The following KAT8 variants were observed in gnomAD, a reference collection of about 807,000 sequenced individuals.
The protein encoded by KAT8 is histone acetyltransferase KAT8.
In KAT8, 40 loss-of-function variants were observed where a neutral mutation model predicts 62.9. The observed-to-expected ratio is 0.64, with a 90% CI of 0.49 to 0.83. The LOEUF is 0.83. Ranked by LOEUF, KAT8 falls within the 40% of genes least tolerant of loss-of-function variation. The pLI is 0.00. For synonymous variants in KAT8, 278 were observed against 254.5 expected, an observed-to-expected ratio of 1.09 and a Z score of -0.88; for missense variants, 387 against 614.8, an observed-to-expected ratio of 0.63 and a Z score of 3.92.
intron 3 of KAT8, among the ~76,000 whole-genome samples, chr16:31,124,745 A>AAAAG (rs60051043): frequency 0.37 from 52,753 of 141,604 alleles, 11,101 homozygotes; most frequent in East Asian, 0.88. Flanking sequence ...AAAAAAAAAA[A>AAAAG]AAAAAAGGCT....
rs753609278 is a variant in KAT8 at position 31,120,409 on chromosome 16, A to T, written c.357A>T (p.Val119=). 1.1e-5 allele frequency: 18 copies of T among 1,614,132 alleles called. No individual in the cohort carries two copies. The highest frequency in any genetic ancestry group is 1.5e-5 in the Non-Finnish European group (18 of 1,180,036). ...TGACCAAGACAGTGAAGGATGCTGT[A>T]CAGAAGAACTCAGAGAAGTACCTGA... is the stretch of plus-strand genomic sequence containing the variant. ...LALTKTVKDA[V]QKNSEKYLSE... The change falls in exon 3 of 11, where the codon GTA becomes GTT. Residue 119 remains valine, a synonymous_variant. Transcript: ENST00000219797.
chr16:31,124,731 C>CAA (rs551229166), intron 3 of KAT8, among the ~76,000 whole-genome samples: 752 of 60,914 alleles, frequency 0.012, 9 homozygotes, highest in Middle Eastern at 0.017. Flanking sequence ...GGCTCCATTT[C>CAA]AAAAAAAAAA....
At chr16:31,118,046 G>A (rs1198351324) in intron 1 of KAT8, 154 bp downstream of exon 1, 3 of 593,054 alleles carry the variant, frequency 5.1e-6, no homozygotes, top group Admixed American at 4.3e-5. Context: ...CGCGTTCCGG[G>A]CGCTGAGAAA....
At chr16:31,118,040 T>C (rs2057462957) in intron 1 of KAT8, 148 bp downstream of exon 1, 5 of 609,994 alleles carry the variant, frequency 8.2e-6, no homozygotes, top group Non-Finnish European at 1.2e-5. Context: ...GAACGCCGCG[T>C]TCCGGGCGCT....
chr16:31,117,784 G>A lies in KAT8; in HGVS notation c.103G>A (p.Ala35Thr). Residue 35 changes from alanine (A) to threonine (T), a missense_variant, in exon 1 of 11, where the codon GCC (alanine) becomes ACC (threonine). Ala to Thr is a moderately conservative substitution (Grantham distance 58, BLOSUM62 0). This residue lies in a region of KAT8 where 92 missense variants were observed against 78.8 expected (regional missense o/e 1.17). Coordinates refer to ENST00000219797, the MANE Select transcript of KAT8 (RefSeq NM_032188.3). ...PGENAAAEGT[A>T]PSPGRVSPPT... The stretch of plus-strand genomic sequence containing the variant: ...GGAGAATGCGGCCGCTGAGGGGACC[G>A]CCCCATCCCCGGGCCGCGTCTCTCC... 4.3e-6 allele frequency: 6 copies of A among 1,402,014 alleles called. No homozygotes were observed. The highest frequency in any genetic ancestry group is 4.7e-6 in the Non-Finnish European group (5 of 1,066,990). The allele number at this position is 1,402,014 out of a possible 1,614,324, so 86.8% of individuals were successfully genotyped here.
chr16:31,128,228 G>A, intron 6 of KAT8, 89 bp downstream of exon 6: 2 of 1,023,768 alleles, frequency 2.0e-6, no homozygotes, highest in Non-Finnish European at 3.0e-6. Flanking sequence ...GGAGGGGGCA[G>A]CCTTAGCTGA....
In KAT8 at chr16:31,120,542, C is replaced by T. The variant is rs962144513; in HGVS notation, c.462+28C>T. ...CCGGATCCCTTCCCATCCACGGGCCCAGGAGGCCCAGCTTCTCTGCCAGTT... is the reference window on the plus strand; with the variant it reads ...CCGGATCCCTTCCCATCCACGGGCCTAGGAGGCCCAGCTTCTCTGCCAGTT... On this transcript the variant is annotated intron_variant, in intron 3 of 10. Transcript: ENST00000219797. 1.1e-5 allele frequency: 17 copies of T among 1,583,538 alleles called. No individual in the cohort carries two copies. The Admixed American group carries it at 1.2e-4, about 11-fold the overall frequency.
Position 31,124,748 on chromosome 16 carries a change from AAAAG to A in KAT8, c.463-2286_463-2283del, listed in dbSNP as rs1352518614. Among the ~76,000 whole-genome samples the A allele has an allele frequency of 3.8e-3, 541 of 144,068 alleles. 2 individuals carry two copies. Among genetic ancestry groups the A allele is most frequent in the African/African-American group, 0.014 (519 of 38,188 alleles). 94.5% of individuals were successfully genotyped at this position (144,068 alleles called of 152,430 possible). On this transcript the variant is annotated intron_variant, in intron 3 of 10. Coordinates refer to ENST00000219797, the MANE Select transcript of KAT8 (RefSeq NM_032188.3). ...CTCCATTTCAAAAAAAAAAAAAAAA[AAAAG>A]GCTATGGCTCATGCCTGTAATCCCA...
chr16:31,120,274 C>T lies in KAT8; in HGVS notation c.286+14C>T. ...ACTACGTGGGCTGTGAGTGGCTTGG[C>T]ACATCTGGGCGTGGGTGCAGGGAGT... is the stretch of plus-strand genomic sequence containing the variant. On this transcript the variant is annotated intron_variant, in intron 2 of 10. Transcript: ENST00000219797. 2 of 1,614,076 alleles carry T rather than the reference C, an allele frequency of 1.2e-6. No individual in the cohort carries two copies. The highest frequency in any genetic ancestry group is 1.7e-6 in the Non-Finnish European group (2 of 1,179,924).
At position 31,130,319 on chromosome 16, in the gene KAT8, C is replaced by T; in HGVS notation, c.965C>T (p.Pro322Leu). ...GTGGCCTGCATCCTGACCTTGCCCC[C>T]CTACCAACGCCGCGGCTACGGGAAG... ...NNVACILTLP[P>L]YQRRGYGKFL... The change falls in exon 8 of 11, where the codon CCC (proline) becomes CTC (leucine). Residue 322 changes from proline to leucine, a missense_variant. By Grantham distance (98) the Pro-to-Leu change is moderately conservative. Around this residue, in one of 6 missense-constraint regions of KAT8, gnomAD observed 141 missense variants for 222.5 expected, o/e 0.63. Coordinates refer to ENST00000219797, the MANE Select transcript of KAT8 (RefSeq NM_032188.3). The T allele has an allele frequency of 1.9e-6, 3 of 1,614,212 alleles. No homozygotes were observed. Among genetic ancestry groups the T allele is most frequent in the South Asian group, 1.1e-5 (1 of 91,088 alleles).
At chr16:31,129,746 G>A (rs1441391744) in intron 6 of KAT8, among the ~76,000 whole-genome samples, 1 of 152,216 alleles carries the variant, frequency 6.6e-6, no homozygotes. Flanking sequence ...GAAGACTGAA[G>A]CAGATCCTGC....
At position 31,117,734 on chromosome 16, in the gene KAT8, C is replaced by T; in HGVS notation, c.53C>T (p.Ala18Val). 7.3e-7 allele frequency: 1 copy of T among 1,371,074 alleles called. No individual in the cohort carries two copies. The highest frequency in any genetic ancestry group is 9.5e-7 in the Non-Finnish European group (1 of 1,055,162). 84.9% of individuals were successfully genotyped at this position (1,371,074 alleles called of 1,614,324 possible). A position where few individuals can be genotyped will look rare whatever the true frequency, so the allele number is the denominator to read the frequency against. The change falls in exon 1 of 11, where the codon GCG (alanine) becomes GTG (valine). Residue 18 changes from alanine (A) to valine (V), a missense_variant. Physicochemically the swap from Ala to Val is moderately conservative, Grantham distance 64. This residue lies in a region of KAT8 where 92 missense variants were observed against 78.8 expected (regional missense o/e 1.17). Transcript: ENST00000219797. ...GTTGCGGCGGGGACTTCAGGGGTCG[C>T]GGGGGAGGGCGAGCCCGGGCCCGGG... ...AAVAAGTSGV[A>V]GEGEPGPGEN...
chr16:31,130,968 AG>A, intron 10 of KAT8, 68 bp downstream of exon 10: 1 of 1,564,730 alleles, frequency 6.4e-7, no homozygotes. Context: ...GTAGGAGTCA[AG>A]GCCTCCTTAT....
chr16:31,124,422 A>T (rs1465989800), intron 3 of KAT8, among the ~76,000 whole-genome samples: 2 of 152,170 alleles, frequency 1.3e-5, no homozygotes, highest in Admixed American at 6.5e-5. Flanking sequence ...TGATTGGATC[A>T]TTTGAGGTCA....
rs779256927 is a variant in KAT8, at chr16:31,120,523, C to T, written c.462+9C>T. On this transcript the variant is annotated intron_variant, in intron 3 of 10. Transcript: ENST00000219797. ...TCAACCATGTGCAGAAGGTCCGGAT[C>T]CCTTCCCATCCACGGGCCCAGGAGG... The T allele has an allele frequency of 1.3e-6, 2 of 1,591,846 alleles. No homozygotes were observed. Among genetic ancestry groups the T allele is most frequent in the Non-Finnish European group, 1.7e-6 (2 of 1,163,242 alleles).
intron 6 of KAT8, among the ~76,000 whole-genome samples, chr16:31,128,996 G>T: frequency 6.6e-6 from 1 of 152,224 alleles, no homozygotes. Context: ...GAGAGGGCAG[G>T]CTTCAGGGTG....
At chr16:31,119,531 G>A (rs1177044575) in intron 1 of KAT8, among the ~76,000 whole-genome samples, 4 of 152,158 alleles carry the variant, frequency 2.6e-5, no homozygotes, top group Admixed American at 2.6e-4. Flanking sequence ...GCGGGTATGT[G>A]GTAAAATGAG....
chr16:31,129,171 G>A (rs2057554057), intron 6 of KAT8, among the ~76,000 whole-genome samples: 1 of 152,204 alleles, frequency 6.6e-6, no homozygotes, highest in Admixed American at 6.5e-5. Context: ...TTAGTGCAGT[G>A]CTTAGCACTA....
At position 31,130,579 on chromosome 16, in the gene KAT8, G is replaced by A. The variant is rs2057569921; in HGVS notation, c.1130G>A (p.Arg377Gln). 6.2e-7 allele frequency: 1 copy of A among 1,614,090 alleles called. No homozygotes were observed. The highest frequency in any genetic ancestry group is 8.5e-7 in the Non-Finnish European group (1 of 1,179,932). ...CTGCTAGAGATCCTGCGGGACTTCC[G>A]GGGCACACTGTCCATCAAGGACCTC... Reference protein sequence around the residue: ...WVLLEILRDFRGTLSIKDLSQ... With the variant: ...WVLLEILRDFQGTLSIKDLSQ... Residue 377 changes from arginine to glutamine, a missense_variant, in exon 9 of 11, where the codon CGG becomes CAG. Physicochemically the swap from Arg to Gln is conservative, Grantham distance 43. This residue lies in a region of KAT8 where 75 missense variants were observed against 105.7 expected (regional missense o/e 0.71). Transcript: ENST00000219797.
Sources: allele counts gnomAD v4.1 joint callset (sites outside exome capture counted in the v4.1 genomes callset), GRCh38; gene constraint gnomAD v4.1.1; regional missense constraint gnomAD v4.1.1; transcripts MANE v1.5; gene names NCBI Gene and HGNC (gene_info 2026-07-23, HGNC 2026-07-21).